Variants in PCDHA7 observed in about 807,000 individuals in gnomAD.
PCDHA7 encodes the protein protocadherin alpha 7, also known as protocadherin alpha-7.
A neutral mutation model predicts 57.2 loss-of-function variants in PCDHA7; 37 were observed. The observed-to-expected ratio is 0.65, with a 90% CI of 0.50 to 0.85. The LOEUF (loss-of-function observed/expected upper bound fraction) is 0.85, where lower values mean the gene tolerates loss of function less well. Among genes scored for constraint, PCDHA7 ranks in the 40% least tolerant of loss-of-function variants. The pLI is 0.00. For missense variants in PCDHA7, 1,188 were observed against 1,241.8 expected (o/e 0.96, Z 0.65); for synonymous variants, 553 against 558.8 (o/e 0.99, Z 0.15).
At chr5:140,875,820 T>C (rs2055843364) in intron 1 of PCDHA7, 1 of 1,613,978 alleles carries the variant, frequency 6.2e-7, no homozygotes, top group African/African-American at 1.3e-5. Flanking sequence ...CGCTGCAGGT[T>C]TTCCATGTGG....
intron 1 of PCDHA7, chr5:140,863,089 A>C: frequency 3.5e-6 from 2 of 575,052 alleles, no homozygotes; most frequent in Non-Finnish European, 6.9e-6. Context: ...CGAGATCAGC[A>C]CGACGAGTAC....
At chr5:140,982,675 T>C in intron 3 of PCDHA7, 112 bp downstream of exon 3, 1 of 1,441,782 alleles carries the variant, frequency 6.9e-7, no homozygotes, top group Non-Finnish European at 9.1e-7. Flanking sequence ...ATTTTTGTTA[T>C]TCCCTTTTTT....
intron 1 of PCDHA7, chr5:140,928,931 A>G: frequency 1.9e-6 from 3 of 1,614,150 alleles, no homozygotes; most frequent in Non-Finnish European, 2.5e-6. Flanking sequence ...CTTTCTGCCC[A>G]GAACTTGTAT....
At chr5:140,968,410 T>A (rs1554230678) in intron 1 of PCDHA7, 2 of 1,614,040 alleles carry the variant, frequency 1.2e-6, no homozygotes, top group Non-Finnish European at 1.7e-6. Flanking sequence ...TCTTTGTGAC[T>A]GTGGAGGCTC....
intron 1 of PCDHA7, among the ~76,000 whole-genome samples, chr5:140,945,758 G>A (rs1483102794): frequency 6.6e-6 from 1 of 152,014 alleles, no homozygotes; most frequent in Non-Finnish European, 1.5e-5. Flanking sequence ...ATAAATGGTG[G>A]TGGGACAATT....
intron 1 of PCDHA7, among the ~76,000 whole-genome samples, chr5:140,912,282 C>A (rs1211433751): frequency 6.6e-6 from 1 of 151,982 alleles, no homozygotes; most frequent in African/African-American, 2.4e-5. Flanking sequence ...TACCCAGGAA[C>A]AATACTTTGC....
chr5:140,930,594 A>G (rs1554207944), intron 1 of PCDHA7: 2 of 152,716 alleles, frequency 1.3e-5, no homozygotes, highest in East Asian at 3.9e-4. Flanking sequence ...GACTTCTCAT[A>G]GAAATCCTAG....
intron 1 of PCDHA7, chr5:140,853,100 C>G: frequency 2.7e-6 from 1 of 369,590 alleles, no homozygotes; most frequent in Non-Finnish European, 3.8e-6. Flanking sequence ...AGGATGGTCT[C>G]GATCTCCTGA....
In PCDHA7 at chr5:141,010,204, C is replaced by G. The variant is rs1238256859; in HGVS notation, c.*267C>G. ...GACCCAAGTTTCCTTTCTCCTCCGC[C>G]GCAAAGGAGAGGCTTCCCAGCCCCG... On this transcript the variant is annotated 3_prime_UTR_variant, in exon 4 of 4. Transcript: ENST00000525929. 1.3e-5 allele frequency: 20 copies of G among 1,551,852 alleles called. No homozygotes were observed. Among genetic ancestry groups the G allele is most frequent in the Non-Finnish European group, 1.7e-5 (20 of 1,147,056 alleles).
chr5:140,872,595 C>T (rs1048527578), intron 1 of PCDHA7, among the ~76,000 whole-genome samples: 1 of 152,102 alleles, frequency 6.6e-6, no homozygotes, highest in African/African-American at 2.4e-5. Context: ...AGACCCCCAT[C>T]TGAAAAAATA....
chr5:140,966,578 G>A, intron 1 of PCDHA7: 1 of 527,316 alleles, frequency 1.9e-6, no homozygotes, highest in Non-Finnish European at 3.1e-6. Context: ...GGGAGTCAGC[G>A]AGGACGGTGG....
At chr5:140,914,501 C>T (rs1231907689) in intron 1 of PCDHA7, among the ~76,000 whole-genome samples, 1 of 152,084 alleles carries the variant, frequency 6.6e-6, no homozygotes, top group African/African-American at 2.4e-5. Context: ...GGCAACAGAT[C>T]ATTGGGTCAT....
chr5:140,906,180 C>T (rs1457176453), intron 1 of PCDHA7, among the ~76,000 whole-genome samples: 1 of 152,132 alleles, frequency 6.6e-6, no homozygotes, highest in Non-Finnish European at 1.5e-5. Flanking sequence ...ACTTTGCATC[C>T]TTCAATCCAA....
At chr5:141,005,944 C>T (rs1563696119) in intron 3 of PCDHA7, among the ~76,000 whole-genome samples, 1 of 151,862 alleles carries the variant, frequency 6.6e-6, no homozygotes, top group African/African-American at 2.4e-5. Context: ...GAGAACCTAT[C>T]TCTAACAAAC....
intron 3 of PCDHA7, among the ~76,000 whole-genome samples, chr5:141,007,733 C>A (rs2098343034): frequency 6.6e-6 from 1 of 152,180 alleles, no homozygotes; most frequent in African/African-American, 2.4e-5. Flanking sequence ...CAAAGGTTAA[C>A]CACTGAAGAT....
In PCDHA7 at chr5:140,852,913, C is replaced by T. The variant is rs1049603873; in HGVS notation, c.2355+16175C>T. ...TTTTTTTTTGAGTCAGAGTCTCGCTCTGTTGCCCAGGCTGGAGTGCAGTGG... is the reference window on the plus strand; with the variant it reads ...TTTTTTTTTGAGTCAGAGTCTCGCTTTGTTGCCCAGGCTGGAGTGCAGTGG... On this transcript the variant is annotated intron_variant, in intron 1 of 3. Coordinates refer to ENST00000525929, the MANE Select transcript of PCDHA7 (RefSeq NM_018910.3). 2.0e-4 allele frequency: 157 copies of T among 789,674 alleles called. 4 individuals are homozygous for T. The highest frequency in any genetic ancestry group is 2.4e-4 in the Non-Finnish European group (154 of 638,000). 48.9% of individuals were successfully genotyped at this position (789,674 alleles called of 1,614,324 possible). A position where few individuals can be genotyped will look rare whatever the true frequency, so the allele number is the denominator to read the frequency against.
intron 1 of PCDHA7, chr5:140,851,170 A>T: frequency 7.9e-7 from 1 of 1,265,740 alleles, no homozygotes; most frequent in Non-Finnish European, 1.0e-6. Flanking sequence ...ATGCTGCCAT[A>T]ACACTTGAAA....
chr5:140,901,168 C>G (rs782138220), intron 1 of PCDHA7, among the ~76,000 whole-genome samples: 8 of 152,010 alleles, frequency 5.3e-5, no homozygotes, highest in Non-Finnish European at 8.8e-5. Flanking sequence ...GTTGTCTCTT[C>G]ACTTTGTTGA....
At chr5:140,881,340 C>T (rs782406068) in intron 1 of PCDHA7, 10 of 984,934 alleles carry the variant, frequency 1.0e-5, no homozygotes, top group African/African-American at 5.2e-5. Context: ...GACGCCGATT[C>T]GGGCTACAAT....
Sources: gnomAD v4.1 joint callset for allele counts (sites outside exome capture counted in the v4.1 genomes callset) on GRCh38, gnomAD v4.1.1 for gene constraint, MANE v1.5 for transcripts, NCBI Gene and HGNC (gene_info 2026-07-23, HGNC 2026-07-21) for gene names.